Variants in DAB1 observed in about 807,000 individuals in gnomAD.
DAB1 encodes the protein DAB adaptor protein 1, also known as disabled homolog 1.
Under a neutral mutation model 64.6 loss-of-function variants are expected in DAB1, and 15 were observed. The ratio of observed to expected loss-of-function variants is 0.23; its 90% CI spans 0.16 to 0.36. The LOEUF (loss-of-function observed/expected upper bound fraction) is 0.36, where lower values mean the gene tolerates loss of function less well. DAB1 is among the 10% of genes least tolerant of loss of function. The pLI is 1.00. For synonymous variants in DAB1, 235 were observed against 251.9 expected (o/e 0.93, Z 0.64); for missense variants, 596 against 706.7 (o/e 0.84, Z 1.78).
chr1:57,126,134 T>C (rs993971428), intron 4 of DAB1, among the ~76,000 whole-genome samples: 16 of 151,238 alleles, frequency 1.1e-4, no homozygotes, highest in Non-Finnish European at 1.9e-4. Context: ...CAGCTTGGCA[T>C]GGTTATTCTT....
intron 1 of DAB1, among the ~76,000 whole-genome samples, chr1:57,411,118 A>C (rs1684074254): frequency 6.6e-6 from 1 of 152,188 alleles, no homozygotes; most frequent in African/African-American, 2.4e-5. Flanking sequence ...GTAATCACCA[A>C]ATATCTCTCT....
At chr1:57,728,739 C>G (rs907356851) in intron 6 of DAB1, among the ~76,000 whole-genome samples, 1 of 152,126 alleles carries the variant, frequency 6.6e-6, no homozygotes, top group South Asian at 2.1e-4. Flanking sequence ...AAACTATTTT[C>G]AAAAGAAACC....
chr1:57,840,326 AAC>A (rs1278087442), intron 1 of DAB1, among the ~76,000 whole-genome samples: 51 of 152,218 alleles, frequency 3.4e-4, no homozygotes, highest in African/African-American at 1.2e-3. Context: ...AAGTATAAGC[AAC>A]AAGAGCTATG....
In DAB1 at chr1:58,532,963, TAGA is replaced by T. The variant is rs1391693069; in HGVS notation, n.33-5631_33-5629del. Among the ~76,000 whole-genome samples, 4 of 152,338 alleles carry T rather than the reference TAGA, an allele frequency of 2.6e-5. No individual in the cohort carries two copies. In the East Asian group the frequency reaches 7.7e-4, roughly 29 times the overall value. ...AACAGGTAGAATTTGAGATTACTCT[TAGA>T]AGGATTAGAATCATTATCATTTCCA... On this transcript the variant is annotated intron_variant and non_coding_transcript_variant, in intron 1 of 20. Transcript: ENST00000485760.
intron 2 of DAB1, among the ~76,000 whole-genome samples, chr1:57,208,964 A>G (rs1172097732): frequency 6.6e-6 from 1 of 152,226 alleles, no homozygotes; most frequent in African/African-American, 2.4e-5. Context: ...AGATAAATGC[A>G]CTGTGTCACA....
intron 4 of DAB1, among the ~76,000 whole-genome samples, chr1:58,183,043 C>T (rs563481895): frequency 4.6e-5 from 7 of 152,118 alleles, no homozygotes; most frequent in Middle Eastern, 3.4e-3. Context: ...GATTGCACAG[C>T]CACTAATGTT....
intron 7 of DAB1, among the ~76,000 whole-genome samples, chr1:57,595,000 A>G (rs1341059013): frequency 1.3e-5 from 2 of 152,130 alleles, no homozygotes; most frequent in African/African-American, 4.8e-5. Context: ...GTGAGCCACC[A>G]CACCTGGCCG....
At chr1:57,774,454 TC>T (rs1649701986) in intron 6 of DAB1, among the ~76,000 whole-genome samples, 3 of 151,770 alleles carry the variant, frequency 2.0e-5, no homozygotes, top group African/African-American at 7.2e-5. Context: ...AACTAGCAGT[TC>T]CAGTACAATG....
At chr1:57,724,115 T>C (rs1647180331) in intron 6 of DAB1, among the ~76,000 whole-genome samples, 2 of 151,982 alleles carry the variant, frequency 1.3e-5, no homozygotes, top group Admixed American at 6.6e-5. Context: ...GGGGTAGTAA[T>C]TGTTGGTGGT....
At chr1:57,194,913 G>C (rs1456189511) in intron 2 of DAB1, among the ~76,000 whole-genome samples, 2 of 152,228 alleles carry the variant, frequency 1.3e-5, no homozygotes, top group African/African-American at 4.8e-5. Flanking sequence ...TTTATAGACA[G>C]ATGGAGGGAC....
intron 3 of DAB1, among the ~76,000 whole-genome samples, chr1:58,395,716 T>G (rs1364710212): frequency 6.6e-6 from 1 of 152,226 alleles, no homozygotes; most frequent in African/African-American, 2.4e-5. Flanking sequence ...AGTACAGGTC[T>G]AGAAGCAGGT....
chr1:58,543,234 T>C (rs1235816916), intron 1 of DAB1, among the ~76,000 whole-genome samples: 1 of 152,240 alleles, frequency 6.6e-6, no homozygotes, highest in East Asian at 1.9e-4. Context: ...GTTTACATGG[T>C]ATAAAACAGT....
chr1:57,337,878 C>CTCCCTTCCCT (rs755714868), intron 1 of DAB1, among the ~76,000 whole-genome samples: 1 of 65,968 alleles, frequency 1.5e-5, no homozygotes, highest in African/African-American at 4.7e-5. Flanking sequence ...CTCCCCTCCC[C>CTCCCTTCCCT]TCCCTTCCCT....
intron 4 of DAB1, among the ~76,000 whole-genome samples, chr1:57,115,939 G>C (rs891434061): frequency 1.3e-5 from 2 of 152,182 alleles, no homozygotes; most frequent in African/African-American, 4.8e-5. Context: ...CATGGGGAAA[G>C]TTGTTCAGCA....
chr1:57,835,495 G>A (rs887474188), intron 1 of DAB1, among the ~76,000 whole-genome samples: 3 of 152,088 alleles, frequency 2.0e-5, no homozygotes, highest in African/African-American at 7.2e-5. Context: ...GAATGCCTCT[G>A]GGAGCTTTCA....
At chr1:57,651,576 CA>C (rs1312139548) in intron 6 of DAB1, among the ~76,000 whole-genome samples, 3 of 151,874 alleles carry the variant, frequency 2.0e-5, no homozygotes, top group East Asian at 3.9e-4. Context: ...TAACTTTGAA[CA>C]ATTTATTTGA....
At position 58,514,403 on chromosome 1, in the gene DAB1, G is replaced by A. The variant is rs1050510393; in HGVS notation, n.108-8194C>T. On this transcript the variant is annotated intron_variant and non_coding_transcript_variant, in intron 2 of 20. Transcript: ENST00000485760. Reference sequence around the variant, plus strand: ...GACCAAGTAAAAGCCTAACTGTACCGTTACCTGTAGCCAACGTTTTCATTA... The same window carrying A: ...GACCAAGTAAAAGCCTAACTGTACCATTACCTGTAGCCAACGTTTTCATTA... 4.6e-5 allele frequency among the ~76,000 whole-genome samples: 7 copies of A among 152,204 alleles called. 1 individual carries two copies. Among genetic ancestry groups the A allele is most frequent in the Non-Finnish European group, 2.9e-5 (2 of 67,994 alleles).
chr1:57,157,795 AAGG>A (rs1303065428), intron 2 of DAB1, among the ~76,000 whole-genome samples: 1 of 152,212 alleles, frequency 6.6e-6, no homozygotes, highest in Non-Finnish European at 1.5e-5. Flanking sequence ...TAGAATTAGG[AAGG>A]AGATGTGAAA....
At chr1:57,745,853 T>C (rs767332724) in intron 6 of DAB1, among the ~76,000 whole-genome samples, 2 of 152,182 alleles carry the variant, frequency 1.3e-5, no homozygotes, top group African/African-American at 4.8e-5. Flanking sequence ...ATGAATTAAG[T>C]GGATATCTTT....
Sources: allele counts gnomAD v4.1 joint callset (sites outside exome capture counted in the v4.1 genomes callset), GRCh38; gene constraint gnomAD v4.1.1; transcripts MANE v1.5; gene names NCBI Gene and HGNC (gene_info 2026-07-23, HGNC 2026-07-21).